PRLR: variants seen among roughly 807,000 people sequenced by gnomAD.
PRLR encodes the protein prolactin receptor.
In PRLR, 13 loss-of-function variants were observed where a neutral mutation model predicts 40.2. The ratio of observed to expected loss-of-function variants is 0.32; its 90% CI spans 0.21 to 0.51. The LOEUF is 0.51. Among genes scored for constraint, PRLR ranks in the 20% least tolerant of loss-of-function variants. PRLR has a pLI of 0.97. For synonymous variants in PRLR, 269 were observed against 278.7 expected (o/e 0.97, Z 0.35); for missense variants, 656 against 747.3 (o/e 0.88, Z 1.42).
intron 1 of PRLR, among the ~76,000 whole-genome samples, chr5:35,131,328 T>C (rs1561324154): frequency 6.6e-6 from 1 of 152,074 alleles, no homozygotes; most frequent in Non-Finnish European, 1.5e-5. Flanking sequence ...GGGATGGCAC[T>C]AGGTTCAAGA....
At chr5:35,158,796 C>G (rs191328814) in intron 1 of PRLR, among the ~76,000 whole-genome samples, 1 of 152,200 alleles carries the variant, frequency 6.6e-6, no homozygotes, top group East Asian at 1.9e-4. Context: ...AAGGCTGGAG[C>G]CCGTCTTTCA....
At chr5:35,084,813 G>C (rs777869835) in intron 4 of PRLR, among the ~76,000 whole-genome samples, 174 bp from the exon 5 acceptor site, 53 of 152,218 alleles carry the variant, frequency 3.5e-4, no homozygotes, top group Non-Finnish European at 6.8e-4. Context: ...CTGGGAGTGA[G>C]AGAGGGAAGA....
intron 2 of PRLR, among the ~76,000 whole-genome samples, chr5:35,107,959 G>A (rs1002463613): frequency 2.6e-5 from 4 of 152,082 alleles, no homozygotes; most frequent in African/African-American, 4.8e-5. Flanking sequence ...GATGAACATC[G>A]ATGCAAAAAT....
intron 5 of PRLR, among the ~76,000 whole-genome samples, chr5:35,080,118 C>T (rs1265300184): frequency 6.6e-6 from 1 of 152,288 alleles, no homozygotes; most frequent in Non-Finnish European, 1.5e-5. Context: ...CCATTCAGGA[C>T]ATAGGCATGG....
chr5:35,111,177 T>C (rs138566720), intron 2 of PRLR, among the ~76,000 whole-genome samples: 1 of 152,238 alleles, frequency 6.6e-6, no homozygotes, highest in Non-Finnish European at 1.5e-5. Context: ...TAAAGAGCTG[T>C]TAATCATTGG....
At chr5:35,098,220 G>A (rs1453133026) in intron 2 of PRLR, among the ~76,000 whole-genome samples, 2 of 152,168 alleles carry the variant, frequency 1.3e-5, no homozygotes, top group African/African-American at 4.8e-5. Context: ...AAGCTTAAAT[G>A]CAACTGGATG....
chr5:35,119,841 G>C (rs1390630891), intron 1 of PRLR, among the ~76,000 whole-genome samples: 1 of 152,158 alleles, frequency 6.6e-6, no homozygotes, highest in East Asian at 1.9e-4. Context: ...GGCTGTGCTG[G>C]GGGTGGGACA....
At chr5:35,193,008 G>C (rs553391086) in intron 1 of PRLR, among the ~76,000 whole-genome samples, 1 of 152,284 alleles carries the variant, frequency 6.6e-6, no homozygotes, top group African/African-American at 2.4e-5. Context: ...ACTTCTTGTG[G>C]TTTGAAGAGT....
intron 1 of PRLR, among the ~76,000 whole-genome samples, chr5:35,197,197 A>G (rs541462932): frequency 6.6e-6 from 1 of 152,342 alleles, no homozygotes; most frequent in Admixed American, 6.5e-5. Context: ...CGAGGACCTT[A>G]GCTATGATGT....
chr5:35,111,774 T>G (rs1483272075), intron 2 of PRLR, among the ~76,000 whole-genome samples: 1 of 152,192 alleles, frequency 6.6e-6, no homozygotes, highest in Non-Finnish European at 1.5e-5. Context: ...AGAAAGTAGA[T>G]GTTTTTGATC....
chr5:35,190,080 G>A (rs550510210), intron 1 of PRLR, among the ~76,000 whole-genome samples: 93 of 152,320 alleles, frequency 6.1e-4, no homozygotes, highest in Non-Finnish European at 1.1e-3. Context: ...CCATGCTTCT[G>A]AGGTGAGTCG....
At chr5:35,051,241 A>T (rs1768487593), downstream of PRLR, among the ~76,000 whole-genome samples, 1 of 152,228 alleles carries the variant, frequency 6.6e-6, no homozygotes, top group South Asian at 2.1e-4. Context: ...TGCTAACTGC[A>T]TACCTGGCAC....
At chr5:35,198,420 T>C (rs1356512206) in intron 1 of PRLR, among the ~76,000 whole-genome samples, 3 of 152,240 alleles carry the variant, frequency 2.0e-5, no homozygotes, top group East Asian at 1.9e-4. Flanking sequence ...GTGGTTCCCA[T>C]GGCACTGGAC....
At chr5:35,212,249 T>C (rs192063223) in intron 1 of PRLR, among the ~76,000 whole-genome samples, 1 of 152,348 alleles carries the variant, frequency 6.6e-6, no homozygotes, top group African/African-American at 2.4e-5. Context: ...CATCATGTCT[T>C]TGGAGATTCA....
intron 2 of PRLR, among the ~76,000 whole-genome samples, chr5:35,105,832 C>T (rs947660002): frequency 4.6e-5 from 7 of 152,206 alleles, no homozygotes; most frequent in Non-Finnish European, 8.8e-5. Flanking sequence ...ACTTCCCCAA[C>T]CTAGCAAGGC....
rs1769262978 is a variant in PRLR, at chr5:35,064,999, G to A, written c.*90C>T. The A allele has an allele frequency of 7.0e-7, 1 of 1,421,680 alleles. No homozygotes were observed. The highest frequency in any genetic ancestry group is 1.4e-5 in the South Asian group (1 of 70,656). 88.1% of individuals were successfully genotyped at this position (1,421,680 alleles called of 1,614,324 possible). A position where few individuals can be genotyped will look rare whatever the true frequency, so the allele number is the denominator to read the frequency against. Reference sequence around the variant, plus strand: ...GGAGCTGGGAGCTTTAGTAGTGTCAGTCTGACTACATTCTTGAGCATTTCA... The same window carrying A: ...GGAGCTGGGAGCTTTAGTAGTGTCAATCTGACTACATTCTTGAGCATTTCA... On this transcript the variant is annotated 3_prime_UTR_variant, in exon 10 of 10. Coordinates refer to ENST00000618457, the MANE Select transcript of PRLR (RefSeq NM_000949.7).
intron 1 of PRLR, among the ~76,000 whole-genome samples, chr5:35,163,957 A>G (rs1381904650): frequency 1.3e-5 from 2 of 152,250 alleles, no homozygotes; most frequent in Admixed American, 6.5e-5. Flanking sequence ...TAAGGTAGAC[A>G]CACTATATGA....
chr5:35,214,757 T>C (rs1776245737), intron 1 of PRLR, among the ~76,000 whole-genome samples: 1 of 152,240 alleles, frequency 6.6e-6, no homozygotes, highest in Non-Finnish European at 1.5e-5. Context: ...TGCTCATTCC[T>C]ATACATAGGC....
intron 4 of PRLR, among the ~76,000 whole-genome samples, chr5:35,085,794 C>T (rs1030139562): frequency 6.6e-6 from 1 of 152,140 alleles, no homozygotes; most frequent in Non-Finnish European, 1.5e-5. Flanking sequence ...TTCTATGGGG[C>T]CTCAGGCTGC....
Sources: allele counts gnomAD v4.1 joint callset (sites outside exome capture counted in the v4.1 genomes callset), GRCh38; gene constraint gnomAD v4.1.1; transcripts MANE v1.5; gene names NCBI Gene and HGNC (gene_info 2026-07-23, HGNC 2026-07-21).